The following KLF8 variants were observed in gnomAD, a reference collection of about 807,000 sequenced individuals.
KLF8 encodes the protein KLF transcription factor 8.
A neutral mutation model predicts 18.2 loss-of-function variants in KLF8; 10 were observed. The observed-to-expected ratio is 0.55, with a 90% CI of 0.34 to 0.93. The LOEUF (loss-of-function observed/expected upper bound fraction) is 0.93, where lower values mean the gene tolerates loss of function less well. KLF8 is among the 40% of genes least tolerant of loss of function. KLF8 has a pLI of 0.02. For synonymous variants in KLF8, 109 were observed against 97.3 expected (o/e 1.12, Z -0.71); for missense variants, 264 against 277.9 (o/e 0.95, Z 0.36).
the KLF8 span, among the ~76,000 whole-genome samples, chrX:55,958,226 C>A: frequency 9.0e-6 from 1 of 111,574 alleles, no homozygotes; most frequent in Non-Finnish European, 1.9e-5. Flanking sequence ...CGTTGAATAC[C>A]AGCCATGGAA....
chrX:56,125,784 CT>C, the KLF8 span, among the ~76,000 whole-genome samples: 137 of 111,754 alleles, frequency 1.2e-3, no homozygotes, highest in African/African-American at 4.3e-3. Context: ...GTGATATACT[CT>C]CTGGCACTTA....
intron 1 of KLF8, among the ~76,000 whole-genome samples, chrX:56,243,568 A>G (rs1432422546): frequency 3.7e-4 from 28 of 76,056 alleles, no homozygotes; most frequent in African/African-American, 1.5e-3. Context: ...ACGGAGTCTC[A>G]CTCTGTCTCC....
chrX:56,081,783 A>G, the KLF8 span, among the ~76,000 whole-genome samples: 1 of 111,863 alleles, frequency 8.9e-6, no homozygotes. Context: ...ATGTGGAAAC[A>G]CCCTTGTGTT....
At chrX:56,057,162 G>C in the KLF8 span, among the ~76,000 whole-genome samples, 1 of 111,702 alleles carries the variant, frequency 9.0e-6, no homozygotes, top group East Asian at 2.8e-4. Flanking sequence ...TTGGAGCTCT[G>C]GGGGGCGTAG....
chrX:55,933,383 G>A, the KLF8 span, among the ~76,000 whole-genome samples: 1 of 111,561 alleles, frequency 9.0e-6, no homozygotes, highest in Non-Finnish European at 1.9e-5. Context: ...TAAGTGGTAG[G>A]CAATGTTATG....
At chrX:56,192,624 C>T in the KLF8 span, among the ~76,000 whole-genome samples, 41 of 111,539 alleles carry the variant, frequency 3.7e-4, no homozygotes, top group African/African-American at 1.2e-3. Flanking sequence ...ACACATAGAC[C>T]GGTGGAAAAG....
chrX:56,073,089 C>T, the KLF8 span, among the ~76,000 whole-genome samples: 2 of 109,348 alleles, frequency 1.8e-5, no homozygotes, highest in African/African-American at 6.7e-5. Context: ...CGGGTTCACG[C>T]CATTCTCCTG....
chrX:56,046,078 G>GT, the KLF8 span, among the ~76,000 whole-genome samples: 58,304 of 110,066 alleles, frequency 0.53, 13,751 homozygotes, highest in East Asian at 0.75. Context: ...TTTGTCACAT[G>GT]TTTTTTCTGC....
chrX:56,250,427 A>G, intron 2 of KLF8, 123 bp downstream of exon 2: 1 of 519,674 alleles, frequency 1.9e-6, no homozygotes, highest in South Asian at 3.5e-5. Flanking sequence ...AGAAGAGGTG[A>G]AGGAAGACAT....
chrX:56,175,757 A>T, the KLF8 span, among the ~76,000 whole-genome samples: 1 of 111,042 alleles, frequency 9.0e-6, no homozygotes, highest in Non-Finnish European at 1.9e-5. Context: ...GTCTCTAAGG[A>T]GTTGCTTTAT....
the KLF8 span, among the ~76,000 whole-genome samples, chrX:56,157,647 T>C: frequency 8.9e-6 from 1 of 112,064 alleles, no homozygotes; most frequent in Non-Finnish European, 1.9e-5. Context: ...CCAGTGATGA[T>C]GAGCATTTTT....
the KLF8 span, among the ~76,000 whole-genome samples, chrX:56,134,149 G>T: frequency 9.0e-6 from 1 of 110,699 alleles, no homozygotes; most frequent in African/African-American, 3.3e-5. Context: ...ATTCTTCACA[G>T]AACTAGAAAA....
At chrX:55,944,611 A>G in the KLF8 span, among the ~76,000 whole-genome samples, 1 of 111,246 alleles carries the variant, frequency 9.0e-6, no homozygotes, top group East Asian at 2.8e-4. Context: ...TTTCTAGTTT[A>G]TTTGCGTAGA....
the KLF8 span, among the ~76,000 whole-genome samples, chrX:56,166,726 T>C: frequency 8.9e-6 from 1 of 112,007 alleles, no homozygotes; most frequent in Non-Finnish European, 1.9e-5. Flanking sequence ...TAGGAAACTG[T>C]CAGACAGATT....
At chrX:56,120,231 G>A in the KLF8 span, among the ~76,000 whole-genome samples, 1 of 111,061 alleles carries the variant, frequency 9.0e-6, no homozygotes, top group African/African-American at 3.3e-5. Context: ...CACCCAATCC[G>A]AACCCTGATG....
chrX:56,141,705 G>T, the KLF8 span, among the ~76,000 whole-genome samples: 1 of 111,036 alleles, frequency 9.0e-6, no homozygotes, highest in Non-Finnish European at 1.9e-5. Flanking sequence ...CCTTAACTGG[G>T]GAAAACTGAC....
the KLF8 span, among the ~76,000 whole-genome samples, chrX:55,946,056 C>T: frequency 8.9e-6 from 1 of 111,777 alleles, no homozygotes; most frequent in Non-Finnish European, 1.9e-5. Flanking sequence ...AATGGCCATA[C>T]TGCCCAAGGT....
chrX:56,045,170 A>G, the KLF8 span, among the ~76,000 whole-genome samples: 1 of 110,975 alleles, frequency 9.0e-6, no homozygotes. Context: ...TCTTCACTTT[A>G]TGTTTTTGTT....
chrX:56,050,362 T>G, the KLF8 span, among the ~76,000 whole-genome samples: 22 of 111,957 alleles, frequency 2.0e-4, no homozygotes, highest in East Asian at 1.4e-3. Context: ...GTGATGTTAG[T>G]GTGTCAATTT....
Sources: gnomAD v4.1 joint callset for allele counts (sites outside exome capture counted in the v4.1 genomes callset) on GRCh38, gnomAD v4.1.1 for gene constraint, MANE v1.5 for transcripts, NCBI Gene and HGNC (gene_info 2026-07-23, HGNC 2026-07-21) for gene names.